Variants in INSL6 observed in about 807,000 individuals in gnomAD.
INSL6 encodes insulin-like peptide INSL6.
INSL6 carries 16 observed loss-of-function variants against 9.4 expected under a neutral mutation model. The ratio of observed to expected loss-of-function variants is 1.70; its 90% CI spans 1.15 to 2.59. INSL6 has a LOEUF of 2.59. Ranked by LOEUF, INSL6 falls within the 30% of genes most tolerant of loss-of-function variation. The pLI is 0.00. For missense variants in INSL6, 391 were observed against 257.3 expected (o/e 1.52, Z -3.56); for synonymous variants, 154 against 96.9 (o/e 1.59, Z -3.46).
the INSL6 span, among the ~76,000 whole-genome samples, chr9:5,093,317 T>C: frequency 6.6e-6 from 1 of 152,190 alleles, no homozygotes; most frequent in Non-Finnish European, 1.5e-5. Context: ...TTACCAGTAT[T>C]AGAGGCACTG....
At chr9:5,079,674 T>G in the INSL6 span, among the ~76,000 whole-genome samples, 2 of 152,076 alleles carry the variant, frequency 1.3e-5, no homozygotes, top group Non-Finnish European at 2.9e-5. Context: ...GTGCAGTGGC[T>G]CATGCCTGTA....
the INSL6 span, among the ~76,000 whole-genome samples, chr9:5,050,987 G>C: frequency 3.0e-4 from 46 of 152,018 alleles, no homozygotes; most frequent in African/African-American, 1.1e-3. Flanking sequence ...TTCAGATTTT[G>C]GATATTTCCA....
chr9:5,072,998 A>C, the INSL6 span, among the ~76,000 whole-genome samples: 2 of 152,210 alleles, frequency 1.3e-5, no homozygotes, highest in Non-Finnish European at 2.9e-5. Context: ...TGTACTAAGG[A>C]ACATGCTTAG....
At chr9:5,005,083 A>ATTTTTTTTT in the INSL6 span, among the ~76,000 whole-genome samples, 1 of 40,034 alleles carries the variant, frequency 2.5e-5, no homozygotes, top group Non-Finnish European at 4.5e-5. Flanking sequence ...TGCCTGGCTA[A>ATTTTTTTTT]TTTTTTTTTT....
chr9:5,021,379 G>C, the INSL6 span, among the ~76,000 whole-genome samples: 1 of 152,166 alleles, frequency 6.6e-6, no homozygotes, highest in African/African-American at 2.4e-5. Flanking sequence ...GTCTGTAACT[G>C]AGTTTAATGC....
the INSL6 span, among the ~76,000 whole-genome samples, chr9:5,103,453 C>G: frequency 2.2e-4 from 34 of 151,942 alleles, no homozygotes; most frequent in Non-Finnish European, 8.8e-5. Context: ...GAGACTTAGA[C>G]TCCCACACAA....
the INSL6 span, chr9:5,089,798 T>C: frequency 1.1e-4 from 170 of 1,598,380 alleles, no homozygotes; most frequent in Admixed American, 4.3e-4. Flanking sequence ...GAAAGGGAAA[T>C]TGAAATCCTG....
At chr9:5,048,956 G>A in the INSL6 span, among the ~76,000 whole-genome samples, 1 of 151,894 alleles carries the variant, frequency 6.6e-6, no homozygotes, top group Non-Finnish European at 1.5e-5. Context: ...TTGTACTTCT[G>A]CTTTCTTTTT....
chr9:5,074,260 G>A, the INSL6 span, among the ~76,000 whole-genome samples: 10 of 151,554 alleles, frequency 6.6e-5, no homozygotes, highest in South Asian at 4.2e-4. Flanking sequence ...AGTATAAATC[G>A]TACCCCATGC....
chr9:5,115,468 G>T, the INSL6 span, among the ~76,000 whole-genome samples: 5 of 152,192 alleles, frequency 3.3e-5, no homozygotes, highest in Non-Finnish European at 4.4e-5. Context: ...TGATGGGAGT[G>T]TAAATTAGTT....
At chr9:5,024,397 A>T in the INSL6 span, among the ~76,000 whole-genome samples, 9 of 152,268 alleles carry the variant, frequency 5.9e-5, no homozygotes, top group East Asian at 1.7e-3. Flanking sequence ...AAACTCTTTC[A>T]GTCTTTGCAG....
the INSL6 span, among the ~76,000 whole-genome samples, chr9:5,046,395 A>C: frequency 6.6e-6 from 1 of 152,248 alleles, no homozygotes; most frequent in Non-Finnish European, 1.5e-5. Flanking sequence ...TGATGGACAA[A>C]AGTTTTAAAT....
At chr9:5,044,351 G>A in the INSL6 span, 9 of 1,109,974 alleles carry the variant, frequency 8.1e-6, no homozygotes, top group Admixed American at 5.1e-5. Flanking sequence ...TAGATAGTAC[G>A]TTTGTATTTG....
the INSL6 span, chr9:5,041,627 G>T: frequency 4.0e-6 from 2 of 500,478 alleles, no homozygotes; most frequent in Admixed American, 2.3e-5. Flanking sequence ...TGCGGCGCCT[G>T]GACTTTGAGA....
chr9:5,140,136 T>C (rs1014403222), intron 2 of INSL6, among the ~76,000 whole-genome samples: 1 of 152,172 alleles, frequency 6.6e-6, no homozygotes, highest in Non-Finnish European at 1.5e-5. Context: ...TTAGGAAATA[T>C]ATTTAATCTA....
Position 5,185,395 on chromosome 9 carries a change from C to G in INSL6, c.208G>C (p.Glu70Gln). 1.2e-6 allele frequency: 2 copies of G among 1,614,166 alleles called. No homozygotes were observed. Among genetic ancestry groups the G allele is most frequent in the Non-Finnish European group, 1.7e-6 (2 of 1,180,032 alleles). ...TATGGGCTGTAGGCTTCGACCTTCT[C>G]CGAGGCCTGTGCAATCAACCGTGAG... ...PFSRLIAQAS[E>Q]KVEAYSPYQF... The change falls in exon 1 of 2, where the codon GAG becomes CAG. Residue 70 changes from glutamate (E) to glutamine (Q), a missense_variant. Transcript: ENST00000381641.
At chr9:5,181,722 G>A (rs1825459829) in intron 1 of INSL6, among the ~76,000 whole-genome samples, 1 of 152,140 alleles carries the variant, frequency 6.6e-6, no homozygotes, top group South Asian at 2.1e-4. Flanking sequence ...ACTGTATCTA[G>A]ATTTGATTAA....
chr9:5,033,945 T>C, the INSL6 span, among the ~76,000 whole-genome samples: 6 of 152,106 alleles, frequency 3.9e-5, no homozygotes, highest in Non-Finnish European at 5.9e-5. Flanking sequence ...CACAGACTGG[T>C]AAACTGGATA....
At chr9:5,052,628 C>G in the INSL6 span, among the ~76,000 whole-genome samples, 1 of 151,972 alleles carries the variant, frequency 6.6e-6, no homozygotes, top group Non-Finnish European at 1.5e-5. Flanking sequence ...AACCCCATGC[C>G]CATTAGCATT....
Sources: gnomAD v4.1 joint callset for allele counts (sites outside exome capture counted in the v4.1 genomes callset) on GRCh38, gnomAD v4.1.1 for gene constraint, MANE v1.5 for transcripts, NCBI Gene and HGNC (gene_info 2026-07-23, HGNC 2026-07-21) for gene names.